Variants in NRXN3 observed in about 807,000 individuals in gnomAD.
NRXN3 encodes the protein neurexin 3.
Under a neutral mutation model 137.6 loss-of-function variants are expected in NRXN3, and 32 were observed. The observed-to-expected ratio is 0.23, with a 90% CI of 0.18 to 0.31. NRXN3 has a LOEUF of 0.31. Ranked by LOEUF, NRXN3 falls within the 10% of genes least tolerant of loss-of-function variation. The pLI, the probability that NRXN3 is intolerant of heterozygous loss-of-function variation, is 1.00. For missense variants in NRXN3, 1,574 were observed against 2,062.5 expected, an observed-to-expected ratio of 0.76 and a Z score of 4.59; for synonymous variants, 798 against 784.5, an observed-to-expected ratio of 1.02 and a Z score of -0.29.
At chr14:79,333,287 C>T (rs948710863) in intron 15 of NRXN3, among the ~76,000 whole-genome samples, 2 of 152,088 alleles carry the variant, frequency 1.3e-5, no homozygotes, top group Non-Finnish European at 2.9e-5. Flanking sequence ...TCCTCTCCAC[C>T]TCCTCTCCCT....
At chr14:79,326,471 C>T (rs972314942) in intron 15 of NRXN3, among the ~76,000 whole-genome samples, 2 of 152,174 alleles carry the variant, frequency 1.3e-5, no homozygotes, top group Non-Finnish European at 2.9e-5. Flanking sequence ...AGACATCTCA[C>T]CGCAAGGACT....
At position 78,330,340 on chromosome 14, in the gene NRXN3, A is replaced by G. The variant is rs115134424; in HGVS notation, c.757+32480A>G. The stretch of plus-strand genomic sequence containing the variant: ...AGTTAAACTCTGCACTCCCACCCCC[A>G]TTCTCTTTCCTGTTCTCTCCTTCTG... On this transcript the variant is annotated intron_variant, in intron 4 of 20. Transcript: ENST00000335750. Among the ~76,000 whole-genome samples, 1,142 of 151,886 alleles carry G rather than the reference A, an allele frequency of 7.5e-3. 12 individuals carry two copies. Among genetic ancestry groups the G allele is most frequent in the African/African-American group, 0.027 (1,097 of 41,390 alleles).
intron 15 of NRXN3, among the ~76,000 whole-genome samples, chr14:79,243,915 C>T (rs1314291528): frequency 1.3e-5 from 2 of 152,190 alleles, no homozygotes; most frequent in African/African-American, 2.4e-5. Context: ...TGAACCCCTG[C>T]TCTCAGGCTC....
At chr14:79,522,877 A>G (rs181006656) in intron 16 of NRXN3, among the ~76,000 whole-genome samples, 2 of 152,194 alleles carry the variant, frequency 1.3e-5, no homozygotes, top group Non-Finnish European at 2.9e-5. Flanking sequence ...TTGCTCTTTC[A>G]TCTTCAGTCA....
chr14:79,389,058 C>G (rs2094748643), intron 15 of NRXN3, among the ~76,000 whole-genome samples: 1 of 152,162 alleles, frequency 6.6e-6, no homozygotes, highest in Non-Finnish European at 1.5e-5. Context: ...TTATAAATTA[C>G]CTAGTCTCAG....
intron 15 of NRXN3, among the ~76,000 whole-genome samples, chr14:79,175,018 T>C (rs1245272690): frequency 2.0e-5 from 3 of 151,318 alleles, no homozygotes; most frequent in Non-Finnish European, 2.9e-5. Context: ...TCTCTCTCTG[T>C]TGCCCAGGCT....
intron 15 of NRXN3, among the ~76,000 whole-genome samples, chr14:79,342,977 G>A (rs1039790892): frequency 5.3e-5 from 8 of 152,090 alleles, no homozygotes; most frequent in Non-Finnish European, 1.5e-5. Context: ...TTGGGAAGTG[G>A]GGATTGGTCA....
intron 20 of NRXN3, among the ~76,000 whole-genome samples, chr14:79,815,224 T>C (rs1175849445): frequency 1.3e-5 from 2 of 152,226 alleles, no homozygotes; most frequent in Non-Finnish European, 2.9e-5. Flanking sequence ...ATTTGATTAG[T>C]TGGATACGAA....
At chr14:79,745,873 A>G (rs542230788) in intron 19 of NRXN3, among the ~76,000 whole-genome samples, 79 of 151,986 alleles carry the variant, frequency 5.2e-4, no homozygotes, top group African/African-American at 1.8e-3. Context: ...TCCTCATCAC[A>G]TGGTGTTCTC....
At chr14:79,373,320 G>GA (rs1000092437) in intron 15 of NRXN3, among the ~76,000 whole-genome samples, 3 of 151,598 alleles carry the variant, frequency 2.0e-5, no homozygotes, top group Non-Finnish European at 2.9e-5. Context: ...GTTCTGGGGG[G>GA]AAAAAAAAGG....
intron 15 of NRXN3, among the ~76,000 whole-genome samples, chr14:79,195,540 A>G (rs374291881): frequency 1.3e-5 from 2 of 152,186 alleles, no homozygotes; most frequent in African/African-American, 4.8e-5. Context: ...AAAATTGGAC[A>G]CATCTCTTCT....
intron 15 of NRXN3, among the ~76,000 whole-genome samples, chr14:79,361,993 T>TATA (rs894711796): frequency 2.5e-3 from 276 of 111,776 alleles, no homozygotes; most frequent in Non-Finnish European, 3.9e-3. Context: ...ATTCTACTTT[T>TATA]ATAATTATTA....
intron 4 of NRXN3, among the ~76,000 whole-genome samples, chr14:78,406,256 A>T (rs2092476504): frequency 6.6e-6 from 1 of 152,202 alleles, no homozygotes; most frequent in Admixed American, 6.5e-5. Context: ...TGAGAAGATC[A>T]ATGTGACCAA....
At chr14:79,422,721 A>G (rs10873322) in intron 15 of NRXN3, among the ~76,000 whole-genome samples, 95,452 of 139,444 alleles carry the variant, frequency 0.68, 33,133 homozygotes, top group African/African-American at 0.81. Context: ...TTTTTTTGAG[A>G]CGGAATCTTG....
At chr14:78,212,320 A>AT (rs776276232) in intron 1 of NRXN3, among the ~76,000 whole-genome samples, 5 of 151,742 alleles carry the variant, frequency 3.3e-5, no homozygotes, top group Non-Finnish European at 7.3e-5. Flanking sequence ...ATTTTATTTT[A>AT]TTTTTCTGGC....
intron 4 of NRXN3, among the ~76,000 whole-genome samples, chr14:78,374,714 G>A (rs2087492050): frequency 6.7e-6 from 1 of 150,058 alleles, no homozygotes; most frequent in Non-Finnish European, 1.5e-5. Context: ...AGGTAGCAGT[G>A]AGCTGAGATT....
chr14:78,717,044 C>A (rs2098437305), intron 8 of NRXN3, among the ~76,000 whole-genome samples: 1 of 152,114 alleles, frequency 6.6e-6, no homozygotes. Flanking sequence ...CTCTGAGATG[C>A]GTGAGACAGT....
intron 15 of NRXN3, among the ~76,000 whole-genome samples, chr14:79,203,643 A>G (rs2066386623): frequency 6.6e-6 from 1 of 152,208 alleles, no homozygotes; most frequent in Non-Finnish European, 1.5e-5. Flanking sequence ...ATATAGTGAT[A>G]TGGAGGTGGA....
At chr14:79,260,432 A>G (rs1273153028) in intron 15 of NRXN3, among the ~76,000 whole-genome samples, 2 of 152,176 alleles carry the variant, frequency 1.3e-5, no homozygotes, top group Non-Finnish European at 2.9e-5. Context: ...AGGCCCAGAG[A>G]ACTAGGCTAA....
Sources: gnomAD v4.1 joint callset for allele counts (sites outside exome capture counted in the v4.1 genomes callset) on GRCh38, gnomAD v4.1.1 for gene constraint, MANE v1.5 for transcripts, NCBI Gene and HGNC (gene_info 2026-07-23, HGNC 2026-07-21) for gene names.